CUX1: variants seen among roughly 807,000 people sequenced by gnomAD.
CUX1 encodes cut like homeobox 1.
In CUX1, 31 loss-of-function variants were observed where a neutral mutation model predicts 158.8. The ratio of observed to expected loss-of-function variants is 0.20; its 90% CI spans 0.15 to 0.26. The LOEUF (loss-of-function observed/expected upper bound fraction) is 0.26. Among genes scored for constraint, CUX1 ranks in the 10% least tolerant of loss-of-function variants. The pLI, the probability that CUX1 is intolerant of heterozygous loss-of-function variation, is 1.00. For missense variants in CUX1, 1,589 were observed against 2,014.6 expected (o/e 0.79, Z 4.04); for synonymous variants, 879 against 862.1 (o/e 1.02, Z -0.34).
intron 4 of CUX1, among the ~76,000 whole-genome samples, chr7:102,087,171 G>T (rs577158986): frequency 6.6e-6 from 1 of 151,902 alleles, no homozygotes. Flanking sequence ...TTTTCTATTT[G>T]TCTTGCCTGT....
intron 2 of CUX1, among the ~76,000 whole-genome samples, chr7:101,921,323 A>C (rs2129096136): frequency 6.6e-6 from 1 of 152,174 alleles, no homozygotes; most frequent in Non-Finnish European, 1.5e-5. Flanking sequence ...CTGTCCCTAG[A>C]GTTTAGCTTA....
rs1801036182 is a variant in CUX1, at chr7:102,248,270, C to T, written c.3888-142C>T. 4 of 731,336 alleles carry T rather than the reference C, an allele frequency of 5.5e-6. No homozygotes were observed. The highest frequency in any genetic ancestry group is 2.1e-6 in the Non-Finnish European group (1 of 475,514). The allele number at this position is 731,336 out of a possible 1,614,324, so 45.3% of individuals were successfully genotyped here. ...TCTGGAGAGGGGCTGCCCCGTGGCC[C>T]GAGGGTCGCTGGAGGGGCACGGAGG... On this transcript the variant is annotated intron_variant, in intron 23 of 23. Transcript: ENST00000292535. This position sits in a 1 kb window ranked among gnomAD's most constrained non-coding sequence, Gnocchi z 5.8.
chr7:102,081,334 G>T lies in CUX1; in HGVS notation c.268+10917G>T, dbSNP rs1252262487. ...TTGGCCACTGATATGGTTTGGCTCT[G>T]TGTCCCCACCCAAATCTCACCTCAA... On this transcript the variant is annotated intron_variant, in intron 4 of 23. Transcript: ENST00000292535. Among the ~76,000 whole-genome samples the T allele has an allele frequency of 2.5e-5, 3 of 117,802 alleles. 1 individual carries two copies. The allele number at this position is 117,802 out of a possible 152,430, so 77.3% of individuals were successfully genotyped here.
intron 4 of CUX1, among the ~76,000 whole-genome samples, chr7:102,084,828 A>G (rs1398970002): frequency 1.6e-5 from 2 of 122,842 alleles, no homozygotes; most frequent in South Asian, 2.6e-4. Context: ...CTGATTTCTG[A>G]TCTATAATGC....
At chr7:102,013,415 C>A (rs773810107) in intron 2 of CUX1, among the ~76,000 whole-genome samples, 1 of 152,170 alleles carries the variant, frequency 6.6e-6, no homozygotes, top group Admixed American at 6.5e-5. Context: ...AACTGTATTT[C>A]TTTCCTAAAT....
At chr7:102,054,872 G>GT (rs1229410778) in intron 3 of CUX1, among the ~76,000 whole-genome samples, 1 of 152,106 alleles carries the variant, frequency 6.6e-6, no homozygotes, top group African/African-American at 2.4e-5. Flanking sequence ...TCCGGAGGCT[G>GT]TGGCAGGAGG....
At chr7:102,055,730 G>A (rs1221885046) in intron 3 of CUX1, among the ~76,000 whole-genome samples, 1 of 152,178 alleles carries the variant, frequency 6.6e-6, no homozygotes, top group Non-Finnish European at 1.5e-5. Context: ...ACAGTCACAT[G>A]TCTTTCACTT....
At chr7:102,080,779 G>T (rs1827294749) in intron 4 of CUX1, among the ~76,000 whole-genome samples, 1 of 152,186 alleles carries the variant, frequency 6.6e-6, no homozygotes, top group South Asian at 2.1e-4. Flanking sequence ...CACCGAGGCT[G>T]TTGGGCTTTA....
chr7:101,999,885 CGT>C (rs1018568928), intron 2 of CUX1, among the ~76,000 whole-genome samples: 11 of 151,676 alleles, frequency 7.3e-5, no homozygotes, highest in Non-Finnish European at 1.5e-4. Flanking sequence ...GGCATGCGTG[CGT>C]GTGTGTGTGC....
At chr7:102,174,247 T>G (rs1792051239) in intron 10 of CUX1, among the ~76,000 whole-genome samples, 1 of 152,160 alleles carries the variant, frequency 6.6e-6, no homozygotes, top group Admixed American at 6.5e-5. Flanking sequence ...GCCTTCTGAA[T>G]AGCTGGGATT....
chr7:102,198,488 C>T (rs980762679), intron 15 of CUX1, among the ~76,000 whole-genome samples: 16 of 152,306 alleles, frequency 1.1e-4, no homozygotes, highest in African/African-American at 2.9e-4. Context: ...ATGATTAATG[C>T]GAGCTTTGTT....
At chr7:102,096,106 C>T (rs1165682112) in intron 4 of CUX1, among the ~76,000 whole-genome samples, 1 of 152,246 alleles carries the variant, frequency 6.6e-6, no homozygotes, top group Non-Finnish European at 1.5e-5. Context: ...CTTGAATTGG[C>T]TGCAAGACCC....
Position 101,853,734 on chromosome 7 carries a change from G to T in CUX1, c.30+36065G>T, listed in dbSNP as rs544014833. Among the ~76,000 whole-genome samples, 3 of 152,290 alleles carry T rather than the reference G, an allele frequency of 2.0e-5. No individual in the cohort carries two copies. The East Asian group carries it at 5.8e-4, about 29-fold the overall frequency. The stretch of plus-strand genomic sequence containing the variant: ...GTGGCTCATTCTCTTGGACTGGTCA[G>T]TTTCTCTAGCAAGGAGCCCTCAGTG... On this transcript the variant is annotated intron_variant, in intron 1 of 23. Coordinates refer to ENST00000292535, the MANE Select transcript of CUX1 (RefSeq NM_181552.4).
At position 101,824,164 on chromosome 7, in the gene CUX1, C is replaced by T. The variant is rs189762404; in HGVS notation, c.30+6495C>T. The stretch of plus-strand genomic sequence containing the variant: ...GTGCAGTGGCACAAACTCCGCTCAC[C>T]GCAACCTCCACCTCCCAGGTTCAAG... On this transcript the variant is annotated intron_variant, in intron 1 of 23. Coordinates refer to ENST00000292535, the MANE Select transcript of CUX1 (RefSeq NM_181552.4). Among the ~76,000 whole-genome samples the T allele has an allele frequency of 3.9e-5, 6 of 152,314 alleles. No individual in the cohort carries two copies. In the East Asian group the frequency reaches 7.7e-4, roughly 20 times the overall value.
At chr7:102,079,265 C>T (rs1554477661) in intron 4 of CUX1, among the ~76,000 whole-genome samples, 1 of 152,004 alleles carries the variant, frequency 6.6e-6, no homozygotes, top group Non-Finnish European at 1.5e-5. Context: ...TGGTGAAACC[C>T]CGTCTCTACT....
At chr7:102,262,175 G>A (rs533307168), downstream of CUX1, among the ~76,000 whole-genome samples, 2 of 152,252 alleles carry the variant, frequency 1.3e-5, no homozygotes, top group South Asian at 2.1e-4. Context: ...GAGCCGAGGC[G>A]GGTGGATCAC....
intron 2 of CUX1, among the ~76,000 whole-genome samples, chr7:101,953,320 G>T (rs892155606): frequency 6.6e-6 from 1 of 152,148 alleles, no homozygotes; most frequent in Non-Finnish European, 1.5e-5. Flanking sequence ...CACTTGGTGC[G>T]GTAAGAAGCA....
intron 4 of CUX1, among the ~76,000 whole-genome samples, chr7:102,092,643 G>T (rs1828693220): frequency 1.3e-5 from 2 of 152,194 alleles, no homozygotes; most frequent in Non-Finnish European, 2.9e-5. Flanking sequence ...CGGGTGTGGT[G>T]GCTCATGCCT....
intron 4 of CUX1, among the ~76,000 whole-genome samples, chr7:102,070,621 T>C (rs1413382341): frequency 6.6e-6 from 1 of 152,168 alleles, no homozygotes; most frequent in Non-Finnish European, 1.5e-5. Flanking sequence ...ATGCACTTGT[T>C]GAAGTACTCA....
Sources: allele counts gnomAD v4.1 joint callset (sites outside exome capture counted in the v4.1 genomes callset), GRCh38; gene constraint gnomAD v4.1.1; non-coding constraint Gnocchi (gnomAD v3.1); transcripts MANE v1.5; gene names NCBI Gene and HGNC (gene_info 2026-07-23, HGNC 2026-07-21).